MBP: variants seen among roughly 807,000 people sequenced by gnomAD.
MBP encodes the protein myelin basic protein, also known as Golli-MBP.
In MBP, 16 loss-of-function variants were observed where a neutral mutation model predicts 35.8. The ratio of observed to expected loss-of-function variants is 0.45; its 90% confidence interval spans 0.30 to 0.68. MBP has a LOEUF of 0.68. Ranked by LOEUF, MBP falls within the 30% of genes least tolerant of loss-of-function variation. The pLI, the probability that MBP is intolerant of heterozygous loss-of-function variation, is 0.08. For synonymous variants in MBP, 143 were observed against 159.6 expected, an observed-to-expected ratio of 0.90 and a Z score of 0.78; for missense variants, 380 against 404.7, an observed-to-expected ratio of 0.94 and a Z score of 0.52.
Position 77,008,027 on chromosome 18 carries a change from C to T in MBP, c.576+8805G>A, listed in dbSNP as rs188058476. On this transcript the variant is annotated intron_variant, in intron 4 of 8. Coordinates refer to ENST00000355994, the MANE Select transcript of MBP (RefSeq NM_001025101.2). ...ATCCTCTCCACTCTGCTTGGCTACA[C>T]GGGGTTTCTGGCAGAGGCTCCATCT... Among the ~76,000 whole-genome samples, 64 of 152,202 alleles carry T rather than the reference C, an allele frequency of 4.2e-4. 1 individual carries two copies. Among genetic ancestry groups the T allele is most frequent in the Admixed American group, 1.5e-3 (23 of 15,300 alleles).
chr18:77,022,888 G>GT (rs1422118823), intron 3 of MBP, among the ~76,000 whole-genome samples: 1 of 152,158 alleles, frequency 6.6e-6, no homozygotes, highest in African/African-American at 2.4e-5. Flanking sequence ...CAGTTTAGTC[G>GT]TTAATATTGC....
chr18:77,094,765 C>T (rs1460422327), intron 2 of MBP, among the ~76,000 whole-genome samples: 1 of 152,222 alleles, frequency 6.6e-6, no homozygotes, highest in Non-Finnish European at 1.5e-5. Flanking sequence ...ACAGCCAGCA[C>T]ACAGGAGAGC....
At chr18:77,082,056 G>T (rs774921813) in intron 2 of MBP, among the ~76,000 whole-genome samples, 14 of 151,294 alleles carry the variant, frequency 9.3e-5, no homozygotes, top group South Asian at 2.1e-4. Flanking sequence ...GTTTCACTGT[G>T]TTAGCCGGGA....
In MBP at chr18:77,118,668, TACCACACACACAC is replaced by T. The variant is rs539586838; in HGVS notation, c.-25-13395_-25-13383del. Reference sequence around the variant, plus strand: ...ACACCACACACACACACACACTACATACCACACACACACACCACACACACACTCCACACACCCC... The same window carrying T: ...ACACCACACACACACACACACTACATACCACACACACACTCCACACACCCC... On this transcript the variant is annotated intron_variant, in intron 1 of 8. Transcript: ENST00000355994. Among the ~76,000 whole-genome samples the T allele has an allele frequency of 6.1e-3, 388 of 63,178 alleles. 2 individuals are homozygous for T. In the Middle Eastern group the frequency reaches 0.093, roughly 15 times the overall value. 41.4% of individuals were successfully genotyped at this position (63,178 alleles called of 152,430 possible). A position where few individuals can be genotyped will look rare whatever the true frequency, so the allele number is the denominator to read the frequency against.
chr18:77,098,377 T>G (rs1030517996), intron 2 of MBP, among the ~76,000 whole-genome samples: 3 of 152,140 alleles, frequency 2.0e-5, no homozygotes, highest in African/African-American at 7.2e-5. Context: ...TAGCTGGTGG[T>G]GAAGCCGGAA....
intron 4 of MBP, among the ~76,000 whole-genome samples, chr18:77,001,666 C>T (rs1053043859): frequency 7.2e-5 from 11 of 152,140 alleles, no homozygotes; most frequent in African/African-American, 1.4e-4. Context: ...CCCTGGCCAA[C>T]GTGGCAAAAC....
intron 4 of MBP, among the ~76,000 whole-genome samples, chr18:76,999,136 G>A (rs1236156475): frequency 6.6e-6 from 1 of 152,094 alleles, no homozygotes; most frequent in Non-Finnish European, 1.5e-5. Context: ...GGGAGAAGAT[G>A]CTAGGCCTTA....
At chr18:77,104,251 C>A (rs1976165402) in intron 2 of MBP, among the ~76,000 whole-genome samples, 1 of 152,202 alleles carries the variant, frequency 6.6e-6, no homozygotes, top group Admixed American at 6.5e-5. Flanking sequence ...GAACGTGGAA[C>A]CTTGGCTGTA....
intron 2 of MBP, among the ~76,000 whole-genome samples, chr18:77,075,672 C>A (rs559594568): frequency 1.3e-5 from 2 of 152,320 alleles, no homozygotes; most frequent in African/African-American, 4.8e-5. Context: ...CGCGTGAACT[C>A]ATCTTGAATG....
In MBP at chr18:77,131,027, A is replaced by AC; in HGVS notation, c.-26+1552_-26+1553insG. Among the ~76,000 whole-genome samples, 1 of 27,134 alleles carries AC rather than the reference A, an allele frequency of 3.7e-5. No homozygotes were observed. The allele number at this position is 27,134 out of a possible 152,430, so 17.8% of individuals were successfully genotyped here. ...CCCTCAGATTTCTGTTTTTCCCACA[A>AC]AAAAAAAAAAAAAACAAAACCTCAA... is the stretch of plus-strand genomic sequence containing the variant. On this transcript the variant is annotated intron_variant, in intron 1 of 8. Coordinates refer to ENST00000355994, the MANE Select transcript of MBP (RefSeq NM_001025101.2). This position sits in a 1 kb window ranked among gnomAD's most constrained non-coding sequence, Gnocchi z 5.5.
Position 76,988,290 on chromosome 18 carries a change from G to C in MBP, c.750+205C>G. 6.4e-7 allele frequency: 1 copy of C among 1,553,712 alleles called. No individual in the cohort carries two copies. Among genetic ancestry groups the C allele is most frequent in the Non-Finnish European group, 8.7e-7 (1 of 1,148,388 alleles). On this transcript the variant is annotated intron_variant, in intron 7 of 8. Transcript: ENST00000355994. This position sits in a 1 kb window ranked among gnomAD's most constrained non-coding sequence, Gnocchi z 5.2. ...GGCTGGGTCCCCGGCACAGAAGCAAGAGACCAGACCTTCCGGAAGGGAAGA... is the reference window on the plus strand; with the variant it reads ...GGCTGGGTCCCCGGCACAGAAGCAACAGACCAGACCTTCCGGAAGGGAAGA...
At chr18:77,031,726 A>G (rs1011854522) in intron 3 of MBP, among the ~76,000 whole-genome samples, 3 of 152,240 alleles carry the variant, frequency 2.0e-5, no homozygotes, top group Non-Finnish European at 4.4e-5. Context: ...TCTTGGCACG[A>G]GGAGGGCATT....
At chr18:77,103,120 A>G (rs1976107566) in intron 2 of MBP, among the ~76,000 whole-genome samples, 2 of 152,248 alleles carry the variant, frequency 1.3e-5, no homozygotes, top group African/African-American at 2.4e-5. Context: ...GGAACAGTAT[A>G]TAGTCACCTA....
chr18:77,016,384 G>C, intron 4 of MBP: 1 of 995,560 alleles, frequency 1.0e-6, no homozygotes, highest in Non-Finnish European at 1.2e-6. Flanking sequence ...TATGATTGTC[G>C]CAGAGCAACA....
intron 3 of MBP, among the ~76,000 whole-genome samples, chr18:77,057,724 C>T (rs1973778560): frequency 6.6e-6 from 1 of 152,122 alleles, no homozygotes; most frequent in South Asian, 2.1e-4. Flanking sequence ...ATGATTTTCT[C>T]ATAGCCGTTT....
intron 3 of MBP, among the ~76,000 whole-genome samples, chr18:77,038,586 C>G (rs1972865356): frequency 6.6e-6 from 1 of 152,194 alleles, no homozygotes; most frequent in Admixed American, 6.5e-5. Context: ...CTATGTTTGT[C>G]CCTGTCTCTC....
At chr18:77,025,693 T>C (rs1333713007) in intron 3 of MBP, among the ~76,000 whole-genome samples, 1 of 135,282 alleles carries the variant, frequency 7.4e-6, no homozygotes, top group East Asian at 2.3e-4. Flanking sequence ...GACACTGTCC[T>C]CTATTGAAAT....
intron 2 of MBP, among the ~76,000 whole-genome samples, chr18:77,075,616 C>T (rs1185988148): frequency 2.0e-5 from 3 of 152,168 alleles, no homozygotes; most frequent in African/African-American, 7.2e-5. Context: ...ACTGCTGAAA[C>T]ATGATGATGT....
chr18:77,098,883 CA>C, intron 2 of MBP, among the ~76,000 whole-genome samples: 1 of 152,300 alleles, frequency 6.6e-6, no homozygotes, highest in East Asian at 1.9e-4. Context: ...GCAATCCTTA[CA>C]ACTGCATTTA....
Sources: gnomAD v4.1 joint callset for allele counts (sites outside exome capture counted in the v4.1 genomes callset) on GRCh38, gnomAD v4.1.1 for gene constraint, Gnocchi (gnomAD v3.1) non-coding constraint, MANE v1.5 for transcripts, NCBI Gene and HGNC (gene_info 2026-07-23, HGNC 2026-07-21) for gene names.